MTPN: variants seen among roughly 807,000 people sequenced by gnomAD.
The protein encoded by MTPN is granule cell differentiation protein.
A neutral mutation model predicts 13.5 loss-of-function variants in MTPN; 2 were observed. That is an observed-to-expected ratio of 0.15 (90% confidence interval 0.06 to 0.47). The LOEUF is 0.47. MTPN is among the 20% of genes least tolerant of loss of function. The pLI is 0.97. For synonymous variants in MTPN, 46 were observed against 51.7 expected (o/e 0.89, Z 0.48); for missense variants, 79 against 137.9 (o/e 0.57, Z 2.14).
chr7:135,942,520 TTGTGTGA>T (rs1799230957), intron 3 of MTPN, among the ~76,000 whole-genome samples: 1 of 152,224 alleles, frequency 6.6e-6, no homozygotes, highest in Non-Finnish European at 1.5e-5. Context: ...TTCTTGCTAG[TTGTGTGA>T]TGCTGGGCAA....
At position 135,959,729 on chromosome 7, in the gene MTPN, C is replaced by T. The variant is rs539061692; in HGVS notation, c.73-8099G>A. Among the ~76,000 whole-genome samples the T allele has an allele frequency of 2.2e-4, 34 of 151,976 alleles. No homozygotes were observed. The East Asian group carries it at 6.0e-3, about 27-fold the overall frequency. On this transcript the variant is annotated intron_variant, in intron 1 of 3. Transcript: ENST00000393085. ...TTTAATATATGCCACCTGGCTATCC[C>T]CACTGAGTTATTTGCTTTTTTAACA...
chr7:135,973,090 C>A (rs79165489), intron 1 of MTPN, among the ~76,000 whole-genome samples: 1,907 of 149,672 alleles, frequency 0.013, 33 homozygotes, highest in African/African-American at 0.044. Flanking sequence ...TGAGAAATCA[C>A]AAAAGTATTA....
chr7:135,933,460 A>G (rs918838768), intron 3 of MTPN, among the ~76,000 whole-genome samples: 1 of 152,100 alleles, frequency 6.6e-6, no homozygotes, highest in Non-Finnish European at 1.5e-5. Flanking sequence ...CAACCTTCCC[A>G]TCACTCCCTC....
At chr7:135,965,928 G>C (rs1299523861) in intron 1 of MTPN, among the ~76,000 whole-genome samples, 3 of 152,126 alleles carry the variant, frequency 2.0e-5, no homozygotes, top group Non-Finnish European at 2.9e-5. Context: ...TAACGAAACT[G>C]TATGGCAGAT....
intron 1 of MTPN, among the ~76,000 whole-genome samples, chr7:135,967,572 T>C (rs1358161485): frequency 6.6e-6 from 1 of 152,162 alleles, no homozygotes; most frequent in Non-Finnish European, 1.5e-5. Flanking sequence ...ACACTTAATT[T>C]TTCCTTATCT....
Position 135,929,749 on chromosome 7 carries a change from T to C in MTPN, c.*177A>G. 1 of 627,474 alleles carries C rather than the reference T, an allele frequency of 1.6e-6. No homozygotes were observed. The highest frequency in any genetic ancestry group is 2.8e-5 in the East Asian group (1 of 35,934). 38.9% of individuals were successfully genotyped at this position (627,474 alleles called of 1,614,324 possible). On this transcript the variant is annotated 3_prime_UTR_variant, in exon 4 of 4. Transcript: ENST00000393085. ...GCCTGATCATGGTTCCTTTTGCCCC[T>C]CCTCCAAAACAATTTTTTTTTTCTG...
chr7:135,940,772 T>C (rs942815962), intron 3 of MTPN, among the ~76,000 whole-genome samples: 5 of 152,234 alleles, frequency 3.3e-5, no homozygotes, highest in African/African-American at 7.2e-5. Flanking sequence ...TGCAGCTTAT[T>C]TGTATCTTAC....
In MTPN at chr7:135,927,391, AT is replaced by A. The variant is rs1798936896; in HGVS notation, c.*2534del. 1.3e-6 allele frequency: 2 copies of A among 1,549,740 alleles called. No homozygotes were observed. Among genetic ancestry groups the A allele is most frequent in the Non-Finnish European group, 1.7e-6 (2 of 1,145,516 alleles). The stretch of plus-strand genomic sequence containing the variant: ...AGGGAGACTTTGTTAGTACACTACT[AT>A]AAACAGGTAAACTACCTGTTTGTAC... On this transcript the variant is annotated 3_prime_UTR_variant, in exon 4 of 4. Transcript: ENST00000393085.
intron 3 of MTPN, among the ~76,000 whole-genome samples, chr7:135,938,990 A>G (rs966619836): frequency 1.3e-5 from 2 of 151,950 alleles, no homozygotes; most frequent in South Asian, 4.1e-4. Flanking sequence ...TTTTCCCCCC[A>G]CAGTACTTGT....
chr7:135,941,963 A>T (rs1420108101), intron 3 of MTPN, among the ~76,000 whole-genome samples: 1 of 150,572 alleles, frequency 6.6e-6, no homozygotes, highest in Non-Finnish European at 1.5e-5. Flanking sequence ...AGCTCACTAC[A>T]AACTCCACCT....
intron 1 of MTPN, among the ~76,000 whole-genome samples, chr7:135,964,277 C>T (rs745980966): frequency 6.6e-6 from 1 of 152,066 alleles, no homozygotes; most frequent in Non-Finnish European, 1.5e-5. Context: ...AGAACTCATA[C>T]AACCATCTTA....
chr7:135,971,834 A>G (rs1365208683), intron 1 of MTPN, among the ~76,000 whole-genome samples: 1 of 152,220 alleles, frequency 6.6e-6, no homozygotes, highest in Non-Finnish European at 1.5e-5. Context: ...CCTAAGGCAA[A>G]CAAACAAAAT....
intron 3 of MTPN, among the ~76,000 whole-genome samples, chr7:135,941,737 A>T (rs565091482): frequency 1.1e-4 from 16 of 152,334 alleles, no homozygotes; most frequent in African/African-American, 3.6e-4. Context: ...TAATATCACT[A>T]TAGCAATCAT....
chr7:135,970,510 G>A (rs1253468944), intron 1 of MTPN, among the ~76,000 whole-genome samples: 1 of 152,070 alleles, frequency 6.6e-6, no homozygotes, highest in Non-Finnish European at 1.5e-5. Flanking sequence ...ATTTTAAAGA[G>A]AGGAACCACA....
Position 135,951,320 on chromosome 7 carries a change from A to C in MTPN, c.186+197T>G, listed in dbSNP as rs554762906. Among the ~76,000 whole-genome samples the C allele has an allele frequency of 5.3e-5, 8 of 152,322 alleles. No individual in the cohort carries two copies. The East Asian group carries it at 1.5e-3, about 29-fold the overall frequency. ...AACCTTCAATTTTTGTCAGCTTAAAAAAGTCAGCTTTTTTGGCTTATTTTT... is the reference window on the plus strand; with the variant it reads ...AACCTTCAATTTTTGTCAGCTTAAACAAGTCAGCTTTTTTGGCTTATTTTT... On this transcript the variant is annotated intron_variant, in intron 2 of 3. Transcript: ENST00000393085.
intron 1 of MTPN, among the ~76,000 whole-genome samples, chr7:135,952,711 C>T (rs1799381319): frequency 6.6e-6 from 1 of 152,172 alleles, no homozygotes; most frequent in Admixed American, 6.5e-5. Flanking sequence ...CCTGTAATCC[C>T]AGCACTTTGG....
rs1053828670 is a variant in MTPN, at chr7:135,947,585, G to A, written c.270+3014C>T. ...TTACCAGCTTGCCAATTAAAAATGA[G>A]GCCACAAGTCTTTTTACCTGCAGAT... On this transcript the variant is annotated intron_variant, in intron 3 of 3. Transcript: ENST00000393085. Among the ~76,000 whole-genome samples, 15 of 151,896 alleles carry A rather than the reference G, an allele frequency of 9.9e-5. 1 individual carries two copies. Among genetic ancestry groups the A allele is most frequent in the African/African-American group, 3.6e-4 (15 of 41,346 alleles).
intron 3 of MTPN, among the ~76,000 whole-genome samples, chr7:135,936,375 C>T (rs2116347581): frequency 6.6e-6 from 1 of 152,296 alleles, no homozygotes; most frequent in African/African-American, 2.4e-5. Context: ...ATCCCAGCTA[C>T]TGGGGAGGCT....
At chr7:135,976,748 G>C (rs1799778944) in intron 1 of MTPN, among the ~76,000 whole-genome samples, 1 of 152,062 alleles carries the variant, frequency 6.6e-6, no homozygotes, top group African/African-American at 2.4e-5. Context: ...CTCTGGATGA[G>C]CCAGACACCA....
Sources: gnomAD v4.1 joint callset for allele counts (sites outside exome capture counted in the v4.1 genomes callset) on GRCh38, gnomAD v4.1.1 for gene constraint, MANE v1.5 for transcripts, NCBI Gene and HGNC (gene_info 2026-07-23, HGNC 2026-07-21) for gene names.